RAD9B: variants seen among roughly 807,000 people sequenced by gnomAD.
The protein encoded by RAD9B is RAD9 checkpoint clamp component B.
Under a neutral mutation model 48.3 loss-of-function variants are expected in RAD9B, and 41 were observed. The observed-to-expected ratio is 0.85, with a 90% CI of 0.66 to 1.10. RAD9B has a LOEUF of 1.10. RAD9B is among the 50% of genes least tolerant of loss of function. The pLI, the probability that RAD9B is intolerant of heterozygous loss-of-function variation, is 0.00. For synonymous variants in RAD9B, 160 were observed against 157.9 expected (o/e 1.01, Z -0.10); for missense variants, 444 against 485.1 (o/e 0.92, Z 0.80).
chr12:110,519,858 G>A lies in RAD9B; in HGVS notation c.832G>A (p.Asp278Asn), dbSNP rs57448366. Reference protein sequence around the residue: ...EANFILATLADEQSRASSPQS... With the variant: ...EANFILATLANEQSRASSPQS... ...TAACTTTATTTTGGCCACATTAGCT[G>A]ATGAACAAAGTAGAGCATCTTCACC... is the stretch of plus-strand genomic sequence containing the variant. The change falls in exon 9 of 11, where the codon GAT becomes AAT. Residue 278 changes from aspartate to asparagine, a missense_variant. By Grantham distance (23) the Asp-to-Asn change is conservative. Transcript: ENST00000409300. 2,381 of 1,613,220 alleles carry A rather than the reference G, an allele frequency of 1.5e-3. 47 individuals carry two copies. In the African/African-American group the frequency reaches 0.029, roughly 20 times the overall value.
In RAD9B at chr12:110,505,705, C is replaced by T; in HGVS notation, c.206C>T (p.Ala69Val). Residue 69 changes from alanine (A) to valine (V), a missense_variant, in exon 3 of 11, where the codon GCT (alanine) becomes GTT (valine). Transcript: ENST00000409300. ...TTTTTTCAGCATTATCAATGGTCAG[C>T]TTTAGTGAAAATGAGTGAAAATGAA... ...PVFFQHYQWS[A>V]LVKMSENELD... is the part of the protein sequence containing the mutation. The T allele has an allele frequency of 6.2e-7, 1 of 1,607,082 alleles. No homozygotes were observed. The highest frequency in any genetic ancestry group is 8.5e-7 in the Non-Finnish European group (1 of 1,176,388).
chr12:110,512,908 C>G, intron 5 of RAD9B, 30 bp downstream of exon 5: 1 of 1,039,560 alleles, frequency 9.6e-7, no homozygotes. Flanking sequence ...CAGTTTTTTT[C>G]ACCTGAATAC....
In RAD9B at chr12:110,531,200, C is replaced by T. The variant is rs950897434; in HGVS notation, c.*547C>T. 5 of 977,204 alleles carry T rather than the reference C, an allele frequency of 5.1e-6. No homozygotes were observed. The African/African-American group carries it at 5.3e-5, about 10-fold the overall frequency. 60.5% of individuals were successfully genotyped at this position (977,204 alleles called of 1,614,324 possible). ...GAGTAAAAATATATAGTCACTTTCA[C>T]TTGGCTTTTTTAGACGGAGTCTCAC... On this transcript the variant is annotated 3_prime_UTR_variant, in exon 11 of 11. Coordinates refer to ENST00000409300, the MANE Select transcript of RAD9B (RefSeq NM_001286535.2).
chr12:110,503,581 C>T (rs1191449788), intron 1 of RAD9B: 8 of 497,162 alleles, frequency 1.6e-5, no homozygotes, highest in Admixed American at 7.4e-5. Context: ...GGACAAATTT[C>T]GGTCAATTTT....
Position 110,518,905 on chromosome 12 carries a change from C to T in RAD9B, c.734C>T (p.Ala245Val). 1 of 1,573,156 alleles carries T rather than the reference C, an allele frequency of 6.4e-7. No homozygotes were observed. The highest frequency in any genetic ancestry group is 1.9e-5 in the Admixed American group (1 of 53,520). Residue 245 changes from alanine to valine, a missense_variant, in exon 8 of 11, where the codon GCT (alanine) becomes GTT (valine). Coordinates refer to ENST00000409300, the MANE Select transcript of RAD9B (RefSeq NM_001286535.2). ...CTGACATTTTCAGAAGCTACACATG[C>T]TCCTATATCCATTTATTTTGATTTC... ...GILTFSEATHAPISIYFDFPG... is the reference protein window; with the variant it reads ...GILTFSEATHVPISIYFDFPG...
intron 6 of RAD9B, among the ~76,000 whole-genome samples, chr12:110,517,848 T>C (rs907371040): frequency 1.3e-5 from 2 of 151,668 alleles, no homozygotes; most frequent in Admixed American, 6.6e-5. Flanking sequence ...TATTGATATA[T>C]TATTGGGTAG....
intron 9 of RAD9B, among the ~76,000 whole-genome samples, chr12:110,520,602 A>G (rs188068459): frequency 7.5e-6 from 1 of 133,678 alleles, no homozygotes; most frequent in Non-Finnish European, 1.6e-5. Flanking sequence ...GCTCAGATAT[A>G]GGGATAGCCA....
At chr12:110,514,108 A>AT (rs890046261) in intron 5 of RAD9B, among the ~76,000 whole-genome samples, 4 of 149,190 alleles carry the variant, frequency 2.7e-5, no homozygotes, top group South Asian at 2.1e-4. Context: ...TCATGTTGTC[A>AT]TTTTTTTTGT....
chr12:110,526,675 C>A (rs931740982), intron 10 of RAD9B, among the ~76,000 whole-genome samples: 7 of 151,850 alleles, frequency 4.6e-5, no homozygotes, highest in Non-Finnish European at 1.0e-4. Flanking sequence ...TTTGGGAGAC[C>A]GAGACAGGCA....
chr12:110,531,860 A>G lies in RAD9B; in HGVS notation c.*1207A>G, dbSNP rs2064149244. The G allele has an allele frequency of 2.0e-6, 1 of 491,758 alleles. No homozygotes were observed. Among genetic ancestry groups the G allele is most frequent in the Non-Finnish European group, 3.6e-6 (1 of 279,568 alleles). 30.5% of individuals were successfully genotyped at this position (491,758 alleles called of 1,614,324 possible). On this transcript the variant is annotated 3_prime_UTR_variant, in exon 11 of 11. Coordinates refer to ENST00000409300, the MANE Select transcript of RAD9B (RefSeq NM_001286535.2). ...CTGACAAACGAGACTTTTGTAACAT[A>G]TTATTGTTACATCTTTCTGAAACCT...
At chr12:110,505,867 T>C (rs1268772488) in intron 3 of RAD9B, 95 bp downstream of exon 3, 3 of 942,520 alleles carry the variant, frequency 3.2e-6, no homozygotes, top group Non-Finnish European at 4.6e-6. Flanking sequence ...TTAAATGGCA[T>C]TCAGGACAAA....
rs1372506442 is a variant in RAD9B at position 110,515,106 on chromosome 12, C to T, written c.545C>T (p.Ala182Val). ...TCAAGTCAAGAGGAAGTTACTCTTG[C>T]TGTTACTCCACTGAATTTTTGCCTC... ...FTSSQEEVTLAVTPLNFCLKS... is the reference protein window; with the variant it reads ...FTSSQEEVTLVVTPLNFCLKS... The change falls in exon 6 of 11, where the codon GCT becomes GTT. Residue 182 changes from alanine to valine, a missense_variant. Coordinates refer to ENST00000409300, the MANE Select transcript of RAD9B (RefSeq NM_001286535.2). The T allele has an allele frequency of 1.9e-6, 3 of 1,556,818 alleles. No homozygotes were observed. Among genetic ancestry groups the T allele is most frequent in the Middle Eastern group, 1.7e-4 (1 of 6,002 alleles).
intron 9 of RAD9B, among the ~76,000 whole-genome samples, chr12:110,520,209 G>C (rs542390698): frequency 2.1e-4 from 32 of 152,090 alleles, no homozygotes; most frequent in African/African-American, 7.5e-4. Context: ...TGTTGTTGTT[G>C]TTGTTGTTAT....
At chr12:110,522,446 A>G (rs1415334370) in intron 10 of RAD9B, 35 bp downstream of exon 10, 1 of 1,431,352 alleles carries the variant, frequency 7.0e-7, no homozygotes, top group African/African-American at 1.4e-5. Flanking sequence ...ATCTCAGTCA[A>G]GAATTCTCAT....
chr12:110,530,336 T>C (rs2064097239), intron 10 of RAD9B, among the ~76,000 whole-genome samples, 189 bp from the exon 11 acceptor site: 2 of 152,046 alleles, frequency 1.3e-5, no homozygotes, highest in Admixed American at 1.3e-4. Flanking sequence ...TGAGCCACCA[T>C]GCGCGGCCAA....
intron 4 of RAD9B, among the ~76,000 whole-genome samples, chr12:110,510,239 C>A (rs1035107599): frequency 1.3e-5 from 2 of 152,198 alleles, no homozygotes; most frequent in Non-Finnish European, 2.9e-5. Flanking sequence ...CTATCTATCT[C>A]CCCTCTGTAA....
At position 110,532,871 on chromosome 12, in the gene RAD9B, C is replaced by T. The variant is rs905207999; in HGVS notation, c.*2218C>T. On this transcript the variant is annotated 3_prime_UTR_variant, in exon 11 of 11. Transcript: ENST00000409300. Reference sequence around the variant, plus strand: ...TAGCCCAGATGTGTAGTAGGCTAGACCATCTAGGCTTGTGTCAGTACACAA... The same window carrying T: ...TAGCCCAGATGTGTAGTAGGCTAGATCATCTAGGCTTGTGTCAGTACACAA... 6.6e-6 allele frequency among the ~76,000 whole-genome samples: 1 copy of T among 152,188 alleles called. No individual in the cohort carries two copies. Among genetic ancestry groups the T allele is most frequent in the African/African-American group, 2.4e-5 (1 of 41,448 alleles).
At chr12:110,519,296 G>T (rs1451201843) in intron 8 of RAD9B, among the ~76,000 whole-genome samples, 1 of 152,050 alleles carries the variant, frequency 6.6e-6, no homozygotes, top group Non-Finnish European at 1.5e-5. Flanking sequence ...TAGAGACGGG[G>T]TTTCACCATG....
At chr12:110,508,961 A>T (rs1323062189) in intron 4 of RAD9B, among the ~76,000 whole-genome samples, 1 of 151,268 alleles carries the variant, frequency 6.6e-6, no homozygotes, top group Non-Finnish European at 1.5e-5. Flanking sequence ...TACCTGGCTA[A>T]TTTTTTTATT....
Sources: gnomAD v4.1 joint callset for allele counts (sites outside exome capture counted in the v4.1 genomes callset) on GRCh38, gnomAD v4.1.1 for gene constraint, MANE v1.5 for transcripts, NCBI Gene and HGNC (gene_info 2026-07-23, HGNC 2026-07-21) for gene names.